PDE4D: variants seen among roughly 807,000 people sequenced by gnomAD.
PDE4D encodes phosphodiesterase 4D, also known as 3',5'-cyclic-AMP phosphodiesterase 4D.
PDE4D carries 24 observed loss-of-function variants against 87.4 expected under a neutral mutation model. The observed-to-expected ratio is 0.27, with a 90% CI of 0.20 to 0.39. PDE4D has a LOEUF of 0.39. Among genes scored for constraint, PDE4D ranks in the 10% least tolerant of loss-of-function variants. PDE4D has a pLI of 1.00. For missense variants in PDE4D, 714 were observed against 1,041.0 expected, an observed-to-expected ratio of 0.69 and a Z score of 4.32; for synonymous variants, 384 against 383.2, an observed-to-expected ratio of 1.00 and a Z score of -0.02.
chr5:60,212,153 T>C (rs893081089), intron 1 of PDE4D, among the ~76,000 whole-genome samples: 2 of 150,828 alleles, frequency 1.3e-5, no homozygotes, highest in African/African-American at 4.9e-5. Flanking sequence ...TAGCTCTTTG[T>C]CATTATATAT....
At chr5:59,163,739 GTATATTCC>G (rs1781502920) in intron 5 of PDE4D, among the ~76,000 whole-genome samples, 1 of 152,162 alleles carries the variant, frequency 6.6e-6, no homozygotes, top group African/African-American at 2.4e-5. Context: ...GGCAACTGGG[GTATATTCC>G]TATTTTCCCA....
chr5:59,682,871 T>C (rs1749253920), intron 1 of PDE4D, among the ~76,000 whole-genome samples: 1 of 152,198 alleles, frequency 6.6e-6, no homozygotes, highest in East Asian at 1.9e-4. Context: ...TGGCATGTAA[T>C]TCTCCAAAAA....
At chr5:59,864,701 T>G (rs1366189397) in intron 1 of PDE4D, among the ~76,000 whole-genome samples, 1 of 152,152 alleles carries the variant, frequency 6.6e-6, no homozygotes, top group Non-Finnish European at 1.5e-5. Flanking sequence ...TCTATGGAAA[T>G]AACAAACCCA....
chr5:59,046,411 AGAGAG>A (rs1760684085), intron 5 of PDE4D, among the ~76,000 whole-genome samples: 3 of 147,676 alleles, frequency 2.0e-5, no homozygotes, highest in East Asian at 2.3e-4. Context: ...AGTGAGAGAG[AGAGAG>A]AGAATGTGTG....
chr5:59,024,386 G>C (rs1355521335), intron 6 of PDE4D, among the ~76,000 whole-genome samples: 2 of 151,644 alleles, frequency 1.3e-5, no homozygotes, highest in Non-Finnish European at 2.9e-5. Context: ...TTTTAGGAGA[G>C]ACGGGATTTC....
intron 1 of PDE4D, among the ~76,000 whole-genome samples, chr5:59,325,377 G>C (rs555673495): frequency 1.3e-5 from 2 of 152,128 alleles, no homozygotes; most frequent in Non-Finnish European, 2.9e-5. Flanking sequence ...AGAATATCTT[G>C]TTAGAAACAG....
chr5:60,088,026 C>G (rs950656094), intron 2 of PDE4D, among the ~76,000 whole-genome samples: 1 of 152,046 alleles, frequency 6.6e-6, no homozygotes, highest in Non-Finnish European at 1.5e-5. Context: ...TTACATTCAA[C>G]TGATCTCTAA....
At chr5:60,044,488 A>G (rs1582338702) in intron 2 of PDE4D, among the ~76,000 whole-genome samples, 2 of 152,192 alleles carry the variant, frequency 1.3e-5, no homozygotes, top group Middle Eastern at 3.4e-3. Context: ...AGCATTAGCT[A>G]TATCTCCCAT....
intron 3 of PDE4D, among the ~76,000 whole-genome samples, chr5:59,941,283 G>A (rs184423300): frequency 1.5e-4 from 23 of 152,280 alleles, no homozygotes; most frequent in Admixed American, 2.0e-4. Flanking sequence ...ACATTCAGCT[G>A]TTCAACTCCA....
chr5:59,003,128 G>A (rs1165711207), intron 6 of PDE4D, among the ~76,000 whole-genome samples: 4 of 151,822 alleles, frequency 2.6e-5, no homozygotes, highest in African/African-American at 9.7e-5. Flanking sequence ...TCATCTTCTT[G>A]CCCCTGGCTT....
chr5:59,525,605 A>G (rs1441406161), intron 1 of PDE4D, among the ~76,000 whole-genome samples: 2 of 152,212 alleles, frequency 1.3e-5, no homozygotes. Context: ...AATGTGAGAA[A>G]GATGAGATTT....
chr5:60,296,617 A>G (rs1446686462), intron 1 of PDE4D, among the ~76,000 whole-genome samples: 1 of 152,166 alleles, frequency 6.6e-6, no homozygotes, highest in Non-Finnish European at 1.5e-5. Flanking sequence ...TCCTTCCCTC[A>G]TGCTATTGCA....
At chr5:60,289,793 T>C (rs1296250963) in intron 1 of PDE4D, among the ~76,000 whole-genome samples, 2 of 152,170 alleles carry the variant, frequency 1.3e-5, no homozygotes, top group African/African-American at 2.4e-5. Flanking sequence ...GAGATTTTTA[T>C]GGCATGGAAA....
intron 5 of PDE4D, among the ~76,000 whole-genome samples, chr5:59,086,333 C>A (rs1767676429): frequency 6.6e-6 from 1 of 152,150 alleles, no homozygotes. Flanking sequence ...TGTCAGAGCT[C>A]TTTGTCTATT....
At chr5:59,988,760 C>T (rs762692603) in intron 2 of PDE4D, 44 of 1,115,880 alleles carry the variant, frequency 3.9e-5, no homozygotes, top group Non-Finnish European at 5.7e-5. Context: ...CAACAAAAAT[C>T]ACACTGTTTA....
intron 2 of PDE4D, among the ~76,000 whole-genome samples, chr5:60,136,647 T>C (rs990028794): frequency 1.3e-5 from 2 of 152,144 alleles, no homozygotes; most frequent in Non-Finnish European, 2.9e-5. Flanking sequence ...ATCTGCTCGA[T>C]TCAGTCTGAC....
At chr5:60,048,504 C>T (rs1467879026) in intron 2 of PDE4D, among the ~76,000 whole-genome samples, 3 of 152,014 alleles carry the variant, frequency 2.0e-5, no homozygotes, top group Admixed American at 2.0e-4. Flanking sequence ...TGGCTGGTAC[C>T]ATTTGTTCCT....
chr5:60,066,754 T>C (rs942224570), intron 2 of PDE4D, among the ~76,000 whole-genome samples: 4 of 152,134 alleles, frequency 2.6e-5, no homozygotes, highest in African/African-American at 9.6e-5. Flanking sequence ...ATTCCTTCTT[T>C]TAACTAATCT....
chr5:60,189,413 T>C (rs1189042871), intron 1 of PDE4D, among the ~76,000 whole-genome samples: 2 of 152,350 alleles, frequency 1.3e-5, no homozygotes, highest in Middle Eastern at 3.4e-3. Flanking sequence ...ACAAACTGTA[T>C]GGTATTAGGA....
Sources: allele counts gnomAD v4.1 joint callset (sites outside exome capture counted in the v4.1 genomes callset), GRCh38; gene constraint gnomAD v4.1.1; transcripts MANE v1.5; gene names NCBI Gene and HGNC (gene_info 2026-07-23, HGNC 2026-07-21).